The following PHLPP1 variants were observed in gnomAD, a reference collection of about 807,000 sequenced individuals.
PHLPP1 encodes the protein PH domain leucine-rich repeat-containing protein phosphatase 1.
A neutral mutation model predicts 117.2 loss-of-function variants in PHLPP1; 42 were observed. The ratio of observed to expected loss-of-function variants is 0.36; its 90% CI spans 0.28 to 0.46. The LOEUF is 0.46. Ranked by LOEUF, PHLPP1 falls within the 20% of genes least tolerant of loss-of-function variation. The probability of loss-of-function intolerance (pLI) is 1.00; values close to 1 mark genes in which losing one functional copy is unlikely to be tolerated. For synonymous variants in PHLPP1, 1,042 were observed against 970.7 expected (o/e 1.07, Z -1.37); for missense variants, 2,084 against 2,241.9 (o/e 0.93, Z 1.42).
Position 62,941,857 on chromosome 18 carries a change from G to A in PHLPP1, c.3100G>A (p.Gly1034Arg). Reference protein sequence around the residue: ...LTDKCVPLLTGHPHLKILHMA... With the variant: ...LTDKCVPLLTRHPHLKILHMA... ...AGACAAATGTGTGCCCTTGTTAACG[G>A]GACACCCCCATTTGAAGATCCTTCA... Residue 1034 changes from glycine (G) to arginine (R), a missense_variant, in exon 11 of 17, where the codon GGA (glycine) becomes AGA (arginine). Gly to Arg is a moderately radical substitution (Grantham distance 125). Around this residue, in one of 2 missense-constraint regions of PHLPP1, gnomAD observed 1,365 missense variants for 1,605.9 expected, o/e 0.85. Coordinates refer to ENST00000262719, the MANE Select transcript of PHLPP1 (RefSeq NM_194449.4). 3 of 1,613,944 alleles carry A rather than the reference G, an allele frequency of 1.9e-6. No individual in the cohort carries two copies. The highest frequency in any genetic ancestry group is 2.5e-6 in the Non-Finnish European group (3 of 1,179,864).
At chr18:62,898,140 A>C (rs112419084) in intron 6 of PHLPP1, among the ~76,000 whole-genome samples, 1 of 140,558 alleles carries the variant, frequency 7.1e-6, no homozygotes, top group Non-Finnish European at 1.6e-5. Flanking sequence ...TTTCATCTTG[A>C]TGTTAATCAT....
At chr18:62,792,930 T>G (rs1318807255) in intron 1 of PHLPP1, among the ~76,000 whole-genome samples, 2 of 148,454 alleles carry the variant, frequency 1.3e-5, no homozygotes, top group African/African-American at 5.0e-5. Flanking sequence ...ATCCCAGCAC[T>G]TTGGGAGGCT....
chr18:62,852,799 C>T (rs543906774), intron 3 of PHLPP1, among the ~76,000 whole-genome samples: 4 of 152,272 alleles, frequency 2.6e-5, no homozygotes, highest in Admixed American at 6.5e-5. Flanking sequence ...GGGGCAAAAT[C>T]ATCACATTAA....
rs1271414830 is a variant in PHLPP1 at position 62,785,987 on chromosome 18, T to C, written c.1577-44048T>C. Among the ~76,000 whole-genome samples the C allele has an allele frequency of 2.6e-5, 4 of 152,352 alleles. No individual in the cohort carries two copies. The East Asian group carries it at 7.7e-4, about 29-fold the overall frequency. ...CCTAAATATATCTCTTATCACCCTCTTTGACTTTCTATCCCTGCCTTAACT... is the reference window on the plus strand; with the variant it reads ...CCTAAATATATCTCTTATCACCCTCCTTGACTTTCTATCCCTGCCTTAACT... On this transcript the variant is annotated intron_variant, in intron 1 of 16. Transcript: ENST00000262719.
At chr18:62,764,159 A>G (rs1262009634) in intron 1 of PHLPP1, among the ~76,000 whole-genome samples, 3 of 130,822 alleles carry the variant, frequency 2.3e-5, no homozygotes, top group Admixed American at 8.1e-5. Flanking sequence ...GTGAAACTCC[A>G]TCTCAAAAAA....
intron 1 of PHLPP1, among the ~76,000 whole-genome samples, chr18:62,742,163 C>A (rs1911548220): frequency 6.6e-6 from 1 of 152,056 alleles, no homozygotes; most frequent in African/African-American, 2.4e-5. Context: ...ACTATCATTT[C>A]CTAACTTTTT....
At chr18:62,953,531 A>T (rs532252) in intron 12 of PHLPP1, among the ~76,000 whole-genome samples, 9 of 151,998 alleles carry the variant, frequency 5.9e-5, no homozygotes, top group Non-Finnish European at 1.0e-4. Context: ...TACTTCTGCC[A>T]TATCGTTGAT....
intron 1 of PHLPP1, among the ~76,000 whole-genome samples, chr18:62,748,393 T>C (rs1192261495): frequency 6.6e-6 from 1 of 152,016 alleles, no homozygotes; most frequent in Non-Finnish European, 1.5e-5. Context: ...TACAGGCATA[T>C]GCCACCACAC....
chr18:62,829,044 C>T (rs1213893652), intron 1 of PHLPP1, among the ~76,000 whole-genome samples: 3 of 152,164 alleles, frequency 2.0e-5, no homozygotes, highest in Non-Finnish European at 4.4e-5. Context: ...AAATTCGTTT[C>T]CATTTGGGAA....
chr18:62,795,236 G>C (rs1913591637), intron 1 of PHLPP1, among the ~76,000 whole-genome samples: 1 of 152,028 alleles, frequency 6.6e-6, no homozygotes, highest in Non-Finnish European at 1.5e-5. Context: ...CCAGCACTTT[G>C]GGAGGCTGAG....
intron 10 of PHLPP1, among the ~76,000 whole-genome samples, chr18:62,924,179 G>A (rs968925409): frequency 6.6e-6 from 1 of 152,212 alleles, no homozygotes; most frequent in African/African-American, 2.4e-5. Flanking sequence ...ACAAAGCTGT[G>A]TGTTTGGCAA....
At chr18:62,879,820 T>G (rs746637267) in intron 4 of PHLPP1, among the ~76,000 whole-genome samples, 15 of 152,172 alleles carry the variant, frequency 9.9e-5, no homozygotes, top group Non-Finnish European at 1.9e-4. Context: ...AGAATCTGCA[T>G]TATAACATTG....
At chr18:62,952,372 C>G (rs937607396) in intron 12 of PHLPP1, among the ~76,000 whole-genome samples, 1 of 152,102 alleles carries the variant, frequency 6.6e-6, no homozygotes, top group Non-Finnish European at 1.5e-5. Flanking sequence ...TGAGGAAATT[C>G]TGTATTTGAA....
intron 1 of PHLPP1, among the ~76,000 whole-genome samples, chr18:62,718,354 A>T (rs1248549225): frequency 1.3e-5 from 2 of 152,224 alleles, no homozygotes; most frequent in African/African-American, 2.4e-5. Context: ...ATTAATTTGT[A>T]GCCATTCTTT....
intron 1 of PHLPP1, among the ~76,000 whole-genome samples, chr18:62,770,566 T>C (rs897824509): frequency 6.6e-6 from 1 of 152,236 alleles, no homozygotes; most frequent in African/African-American, 2.4e-5. Flanking sequence ...GAGAACACCA[T>C]ACATTCTTTT....
rs372680942 is a variant in PHLPP1 at position 62,746,337 on chromosome 18, G to A, written c.1576+29078G>A. Among the ~76,000 whole-genome samples, 7 of 152,116 alleles carry A rather than the reference G, an allele frequency of 4.6e-5. No homozygotes were observed. In the South Asian group the frequency reaches 6.2e-4, roughly 14 times the overall value. ...TGGGATTACAGGCATGAGCCACCAC[G>A]CCCGGCCAAAACTAATTTTTTATAG... is the stretch of plus-strand genomic sequence containing the variant. On this transcript the variant is annotated intron_variant, in intron 1 of 16. Transcript: ENST00000262719.
chr18:62,809,075 T>C (rs1195094229), intron 1 of PHLPP1, among the ~76,000 whole-genome samples: 1 of 152,224 alleles, frequency 6.6e-6, no homozygotes, highest in Non-Finnish European at 1.5e-5. Flanking sequence ...AGTACCAGAA[T>C]ATTAAATCTT....
At chr18:62,729,547 C>CGGTGATTTTTGG (rs1911170778) in intron 1 of PHLPP1, among the ~76,000 whole-genome samples, 1 of 152,038 alleles carries the variant, frequency 6.6e-6, no homozygotes, top group South Asian at 2.1e-4. Context: ...TGGTGGTGTG[C>CGGTGATTTTTGG]GGCTGTAATC....
intron 12 of PHLPP1, among the ~76,000 whole-genome samples, chr18:62,953,088 AG>A (rs1360361977): frequency 6.6e-6 from 1 of 152,228 alleles, no homozygotes; most frequent in Non-Finnish European, 1.5e-5. Flanking sequence ...AGGAATGTAT[AG>A]TAGTTTAAGA....
Sources: allele counts gnomAD v4.1 joint callset (sites outside exome capture counted in the v4.1 genomes callset), GRCh38; gene constraint gnomAD v4.1.1; regional missense constraint gnomAD v4.1.1; transcripts MANE v1.5; gene names NCBI Gene and HGNC (gene_info 2026-07-23, HGNC 2026-07-21).